Variants in SHISA9 observed in about 807,000 individuals in gnomAD.
SHISA9 encodes protein shisa-9.
Under a neutral mutation model 38.0 loss-of-function variants are expected in SHISA9, and 13 were observed. The observed-to-expected ratio is 0.34, with a 90% CI of 0.22 to 0.54. SHISA9 has a LOEUF of 0.54. SHISA9 is among the 20% of genes least tolerant of loss of function. The pLI is 0.91. For synonymous variants in SHISA9, 275 were observed against 242.0 expected (o/e 1.14, Z -1.27); for missense variants, 538 against 575.8 (o/e 0.93, Z 0.67).
chr16:13,443,835 C>T, the SHISA9 span, among the ~76,000 whole-genome samples: 3 of 152,154 alleles, frequency 2.0e-5, no homozygotes, highest in Admixed American at 1.3e-4. Context: ...TCCCCCTTGA[C>T]ATTATTTTCT....
chr16:13,462,897 G>T, the SHISA9 span, among the ~76,000 whole-genome samples: 1 of 152,140 alleles, frequency 6.6e-6, no homozygotes, highest in Non-Finnish European at 1.5e-5. Context: ...GGGAGGCAGA[G>T]GTTGCAGGGA....
intron 4 of SHISA9, among the ~76,000 whole-genome samples, chr16:13,222,285 A>C (rs911811870): frequency 1.3e-5 from 2 of 152,104 alleles, no homozygotes; most frequent in Admixed American, 1.3e-4. Flanking sequence ...TGACCCAAGG[A>C]GAGTAATCCA....
At chr16:13,105,191 T>C (rs748965170) in intron 2 of SHISA9, among the ~76,000 whole-genome samples, 1 of 152,248 alleles carries the variant, frequency 6.6e-6, no homozygotes, top group Non-Finnish European at 1.5e-5. Flanking sequence ...ACATTCTTTA[T>C]ATTATTAACA....
At chr16:13,059,398 A>G (rs1209166573) in intron 2 of SHISA9, among the ~76,000 whole-genome samples, 2 of 152,074 alleles carry the variant, frequency 1.3e-5, no homozygotes, top group African/African-American at 4.8e-5. Context: ...AAGTGCTGGG[A>G]TTACAGGCGT....
intron 2 of SHISA9, among the ~76,000 whole-genome samples, chr16:13,177,316 G>A (rs2050739610): frequency 2.6e-5 from 4 of 152,090 alleles, no homozygotes; most frequent in Admixed American, 2.6e-4. Context: ...ATAGCAATAC[G>A]AAGTTTGGAA....
the SHISA9 span, among the ~76,000 whole-genome samples, chr16:13,428,315 T>C: frequency 6.6e-6 from 1 of 151,636 alleles, no homozygotes; most frequent in African/African-American, 2.4e-5. Flanking sequence ...GAGAGAGAAA[T>C]TCATTCAAAA....
chr16:13,132,105 A>C (rs564880691), intron 2 of SHISA9, among the ~76,000 whole-genome samples: 1 of 152,326 alleles, frequency 6.6e-6, no homozygotes, highest in South Asian at 2.1e-4. Flanking sequence ...CCAGAACAGA[A>C]ACCCTCCCTG....
At chr16:13,296,681 A>T in the SHISA9 span, among the ~76,000 whole-genome samples, 5 of 152,082 alleles carry the variant, frequency 3.3e-5, no homozygotes, top group Non-Finnish European at 2.9e-5. Context: ...ACTTGAGATC[A>T]GGAGTTCAAG....
At chr16:13,440,493 C>T in the SHISA9 span, among the ~76,000 whole-genome samples, 1 of 152,214 alleles carries the variant, frequency 6.6e-6, no homozygotes, top group African/African-American at 2.4e-5. Context: ...AGAGCAGAGA[C>T]ATCCAGATTT....
intron 1 of SHISA9, among the ~76,000 whole-genome samples, chr16:12,904,203 G>A (rs778379537): frequency 6.6e-6 from 1 of 152,186 alleles, no homozygotes; most frequent in African/African-American, 2.4e-5. Context: ...AAGATGAGGG[G>A]AGAAGTGGTC....
Position 12,902,630 on chromosome 16 carries a change from G to A in SHISA9, c.563+3G>A, listed in dbSNP as rs1238673511. The A allele has an allele frequency of 1.9e-6, 3 of 1,540,042 alleles. No homozygotes were observed. Among genetic ancestry groups the A allele is most frequent in the Non-Finnish European group, 2.6e-6 (3 of 1,141,310 alleles). On this transcript the variant is annotated splice_donor_region_variant and intron_variant, in intron 1 of 4. Transcript: ENST00000558583. ...CCCCAAAGGGAGCACATGTCCAGGTGGGCTGCCTCCCCTTCGCCCTCCCCT... is the reference window on the plus strand; with the variant it reads ...CCCCAAAGGGAGCACATGTCCAGGTAGGCTGCCTCCCCTTCGCCCTCCCCT...
chr16:13,016,908 A>G (rs931832252), intron 2 of SHISA9, among the ~76,000 whole-genome samples: 43 of 152,208 alleles, frequency 2.8e-4, no homozygotes, highest in African/African-American at 1.0e-3. Flanking sequence ...GATATTAGGA[A>G]TTTCAAAATA....
intron 2 of SHISA9, among the ~76,000 whole-genome samples, chr16:13,105,641 C>T (rs1467178318): frequency 6.6e-6 from 1 of 152,140 alleles, no homozygotes; most frequent in Non-Finnish European, 1.5e-5. Flanking sequence ...AAATAGAGCA[C>T]AGAAAGGGAG....
intron 2 of SHISA9, among the ~76,000 whole-genome samples, chr16:13,019,228 G>A (rs2072793041): frequency 6.6e-6 from 1 of 152,076 alleles, no homozygotes; most frequent in South Asian, 2.1e-4. Context: ...TTGAACTCCT[G>A]GCCTCAAGTG....
chr16:13,145,130 C>G (rs1026624896), intron 2 of SHISA9, among the ~76,000 whole-genome samples: 1 of 152,156 alleles, frequency 6.6e-6, no homozygotes, highest in East Asian at 1.9e-4. Flanking sequence ...ATGAGAGATA[C>G]AGAGGATTCT....
chr16:13,540,218 C>G, the SHISA9 span, among the ~76,000 whole-genome samples: 1 of 151,990 alleles, frequency 6.6e-6, no homozygotes, highest in African/African-American at 2.4e-5. Context: ...CACACACACA[C>G]ACACATAAAC....
the SHISA9 span, among the ~76,000 whole-genome samples, chr16:13,280,444 C>T: frequency 6.6e-6 from 1 of 151,532 alleles, no homozygotes; most frequent in Non-Finnish European, 1.5e-5. Flanking sequence ...TTATGGATTT[C>T]CCTCTAAGGA....
chr16:13,541,309 G>C, the SHISA9 span, among the ~76,000 whole-genome samples: 311 of 152,252 alleles, frequency 2.0e-3, 1 homozygote, highest in African/African-American at 7.2e-3. Flanking sequence ...TGTAGTACAT[G>C]ATGAGCTGGA....
chr16:13,487,547 C>T, the SHISA9 span, among the ~76,000 whole-genome samples: 1,075 of 152,322 alleles, frequency 7.1e-3, 7 homozygotes, highest in Middle Eastern at 0.027. Context: ...CGGCCCAAGC[C>T]TTTCATGACG....
Sources: allele counts gnomAD v4.1 joint callset (sites outside exome capture counted in the v4.1 genomes callset), GRCh38; gene constraint gnomAD v4.1.1; transcripts MANE v1.5; gene names NCBI Gene and HGNC (gene_info 2026-07-23, HGNC 2026-07-21).